The following COL5A1 variants were observed in gnomAD, a reference collection of about 807,000 sequenced individuals.
The protein encoded by COL5A1 is collagen type V alpha 1 chain.
In COL5A1, 16 loss-of-function variants were observed where a neutral mutation model predicts 263.7. That is an observed-to-expected ratio of 0.06 (90% CI 0.04 to 0.09). The LOEUF is 0.09. COL5A1 is among the 10% of genes least tolerant of loss of function. The probability of loss-of-function intolerance (pLI) is 1.00; values close to 1 mark genes in which losing one functional copy is unlikely to be tolerated. For missense variants in COL5A1, 2,036 were observed against 2,540.5 expected (o/e 0.80, Z 4.27); for synonymous variants, 1,012 against 1,004.5 (o/e 1.01, Z -0.14).
intron 11 of COL5A1, among the ~76,000 whole-genome samples, chr9:134,746,124 G>C (rs573918149): frequency 6.6e-6 from 1 of 152,154 alleles, no homozygotes; most frequent in African/African-American, 2.4e-5. Flanking sequence ...TCAGCCCACC[G>C]CGCGTGGTCA....
In COL5A1 at chr9:134,726,409, G is replaced by C. The variant is rs181064089; in HGVS notation, c.655-857G>C. Among the ~76,000 whole-genome samples the C allele has an allele frequency of 3.0e-4, 46 of 152,212 alleles. No individual in the cohort carries two copies. In the East Asian group the frequency reaches 8.5e-3, roughly 28 times the overall value. ...GGATGAATTAATGAGCAGATAGATG[G>C]CTGGGTGGATGGATGGACAGGTGGA... On this transcript the variant is annotated intron_variant, in intron 4 of 65. Coordinates refer to ENST00000371817, the MANE Select transcript of COL5A1 (RefSeq NM_000093.5).
At chr9:134,762,773 G>C (rs1411492985) in intron 19 of COL5A1, among the ~76,000 whole-genome samples, 1 of 152,202 alleles carries the variant, frequency 6.6e-6, no homozygotes, top group Non-Finnish European at 1.5e-5. Context: ...CATGGACGGG[G>C]CACCTGCTCC....
chr9:134,729,316 C>A (rs1281210922), intron 6 of COL5A1, among the ~76,000 whole-genome samples: 1 of 152,154 alleles, frequency 6.6e-6, no homozygotes, highest in Non-Finnish European at 1.5e-5. Flanking sequence ...GAGGGTCACA[C>A]CTAGCAGGGC....
At chr9:134,658,644 T>C (rs908299244) in intron 1 of COL5A1, among the ~76,000 whole-genome samples, 1 of 152,176 alleles carries the variant, frequency 6.6e-6, no homozygotes, top group Admixed American at 6.5e-5. Context: ...CCTAAAGGCA[T>C]GTCGGGGGTC....
chr9:134,688,966 C>G (rs977633524), intron 1 of COL5A1, among the ~76,000 whole-genome samples: 1 of 150,802 alleles, frequency 6.6e-6, no homozygotes, highest in African/African-American at 2.4e-5. Context: ...CCTGCACTGT[C>G]AGCTGGTCAT....
chr9:134,810,345 G>A, intron 44 of COL5A1, 37 bp downstream of exon 44: 1 of 1,605,578 alleles, frequency 6.2e-7, no homozygotes. Context: ...CAGCCCCCAG[G>A]TCCCGGGGGG....
At chr9:134,798,562 GC>G (rs2132811996) in intron 37 of COL5A1, 101 bp downstream of exon 37, 2 of 811,254 alleles carry the variant, frequency 2.5e-6, no homozygotes, top group Non-Finnish European at 3.7e-6. Flanking sequence ...GACCCTCCTG[GC>G]CTGGGAGAGA....
At chr9:134,648,302 AT>A (rs1831543991) in intron 1 of COL5A1, among the ~76,000 whole-genome samples, 2 of 140,452 alleles carry the variant, frequency 1.4e-5, no homozygotes, top group African/African-American at 5.7e-5. Context: ...ATATATATAT[AT>A]AATATATATA....
intron 4 of COL5A1, among the ~76,000 whole-genome samples, chr9:134,721,237 C>A (rs1834441169): frequency 6.7e-6 from 1 of 148,860 alleles, no homozygotes; most frequent in African/African-American, 2.5e-5. Flanking sequence ...CCTCAACTGT[C>A]CCCATCCAGG....
At chr9:134,694,572 C>G (rs914789352) in intron 2 of COL5A1, among the ~76,000 whole-genome samples, 1 of 152,212 alleles carries the variant, frequency 6.6e-6, no homozygotes, top group South Asian at 2.1e-4. Context: ...GCTAGAATTT[C>G]CCCCCTCATT....
rs77630402 is a variant in COL5A1 at position 134,761,626 on chromosome 9, C to T, written c.1936-299C>T. ...GCACTTGGGCTGAGGATAGCTCAGA[C>T]CTCGGCTCAGTGTCCTGAGGCTGCC... On this transcript the variant is annotated intron_variant, in intron 18 of 65. Coordinates refer to ENST00000371817, the MANE Select transcript of COL5A1 (RefSeq NM_000093.5). 0.019 allele frequency among the ~76,000 whole-genome samples: 2,915 copies of T among 152,314 alleles called. 91 individuals carry two copies. The highest frequency in any genetic ancestry group is 0.067 in the African/African-American group (2,776 of 41,564).
At chr9:134,761,204 C>G (rs1206890588) in intron 18 of COL5A1, among the ~76,000 whole-genome samples, 1 of 146,342 alleles carries the variant, frequency 6.8e-6, no homozygotes, top group Non-Finnish European at 1.5e-5. Context: ...CCCCCACATG[C>G]ACACAGGCAT....
intron 13 of COL5A1, 27 bp downstream of exon 13, chr9:134,750,909 C>T (rs779555850): frequency 6.3e-7 from 1 of 1,594,536 alleles, no homozygotes; most frequent in Non-Finnish European, 8.6e-7. Context: ...CCCAAGAGGC[C>T]TGAAGGGGAC....
chr9:134,689,215 G>A (rs1007678005), intron 1 of COL5A1, among the ~76,000 whole-genome samples: 1 of 152,196 alleles, frequency 6.6e-6, no homozygotes, highest in Non-Finnish European at 1.5e-5. Context: ...GGCTGCAGGA[G>A]TCCTTGAAAA....
chr9:134,824,691 A>G lies in COL5A1; in HGVS notation c.4790A>G (p.Asn1597Ser). The G allele has an allele frequency of 1.9e-6, 3 of 1,614,260 alleles. No homozygotes were observed. The highest frequency in any genetic ancestry group is 2.5e-6 in the Non-Finnish European group (3 of 1,180,046). Residue 1597 changes from asparagine to serine, a missense_variant, in exon 62 of 66, where the codon AAT becomes AGT. Transcript: ENST00000371817. ...IDASQLLDDG[N>S]GENYVDYADG... is the part of the protein sequence containing the mutation. ...GCCAGCCAGCTGCTGGACGACGGGAATGGCGAGAACTACGTGGACTACGCG... is the reference window on the plus strand; with the variant it reads ...GCCAGCCAGCTGCTGGACGACGGGAGTGGCGAGAACTACGTGGACTACGCG...
chr9:134,724,869 AGGTGAACCAGGCTCG>A lies in COL5A1; in HGVS notation c.655-2365_655-2351del, dbSNP rs1415809469. ...GTGAAGGTTCCGATGAACCAGGCTC[AGGTGAACCAGGCTCG>A]GGTGAACCAGGCTCGGGTGAACCAG... is the stretch of plus-strand genomic sequence containing the variant. On this transcript the variant is annotated intron_variant, in intron 4 of 65. Transcript: ENST00000371817. Among the ~76,000 whole-genome samples, 545 of 149,322 alleles carry A rather than the reference AGGTGAACCAGGCTCG, an allele frequency of 3.6e-3. 2 individuals carry two copies. Among genetic ancestry groups the A allele is most frequent in the African/African-American group, 8.7e-3 (356 of 41,034 alleles).
At chr9:134,723,759 G>A (rs1388143571) in intron 4 of COL5A1, among the ~76,000 whole-genome samples, 1 of 152,210 alleles carries the variant, frequency 6.6e-6, no homozygotes, top group Non-Finnish European at 1.5e-5. Flanking sequence ...GTAGTGCCGA[G>A]AAAGGTGGGT....
At chr9:134,704,081 C>T (rs1311493271) in intron 4 of COL5A1, among the ~76,000 whole-genome samples, 2 of 152,066 alleles carry the variant, frequency 1.3e-5, no homozygotes, top group African/African-American at 2.4e-5. Context: ...AATAGTGCTT[C>T]ATTGATATTC....
intron 45 of COL5A1, 26 bp downstream of exon 45, chr9:134,811,418 C>T (rs758716532): frequency 3.4e-5 from 55 of 1,613,492 alleles, no homozygotes; most frequent in Admixed American, 1.0e-4. Flanking sequence ...CAATGACCTT[C>T]GAAAAGCCCC....
Sources: gnomAD v4.1 joint callset for allele counts (sites outside exome capture counted in the v4.1 genomes callset) on GRCh38, gnomAD v4.1.1 for gene constraint, MANE v1.5 for transcripts, NCBI Gene and HGNC (gene_info 2026-07-23, HGNC 2026-07-21) for gene names.